RUNDC3B: variants seen among roughly 807,000 people sequenced by gnomAD.
RUNDC3B encodes RUN domain-containing protein 3B.
A neutral mutation model predicts 58.4 loss-of-function variants in RUNDC3B; 33 were observed. The observed-to-expected ratio is 0.56, with a 90% CI of 0.43 to 0.75. RUNDC3B has a LOEUF of 0.75. RUNDC3B is among the 30% of genes least tolerant of loss of function. The pLI is 0.00. For synonymous variants in RUNDC3B, 193 were observed against 195.2 expected, an observed-to-expected ratio of 0.99 and a Z score of 0.10; for missense variants, 501 against 535.7, an observed-to-expected ratio of 0.94 and a Z score of 0.64.
At position 87,637,145 on chromosome 7, in the gene RUNDC3B, T is replaced by A. The variant is rs187448165; in HGVS notation, c.122+8200T>A. Among the ~76,000 whole-genome samples the A allele has an allele frequency of 2.6e-5, 4 of 152,272 alleles. No individual in the cohort carries two copies. In the East Asian group the frequency reaches 7.7e-4, roughly 29 times the overall value. On this transcript the variant is annotated intron_variant, in intron 1 of 10. Transcript: ENST00000394654. ...TATGTGGGGATTATGGGAACTACAA[T>A]TCAAGATGAGATTTGGGTGGGGACA...
chr7:87,825,814 T>C (rs1038071229), intron 10 of RUNDC3B, among the ~76,000 whole-genome samples: 4 of 152,244 alleles, frequency 2.6e-5, no homozygotes, highest in African/African-American at 9.6e-5. Flanking sequence ...TTTTGGAACC[T>C]TAAGATTTGT....
At chr7:87,798,738 T>C (rs1835956894) in intron 8 of RUNDC3B, among the ~76,000 whole-genome samples, 2 of 152,210 alleles carry the variant, frequency 1.3e-5, no homozygotes, top group Non-Finnish European at 1.5e-5. Flanking sequence ...TCTTAAAGGA[T>C]AGTGTCAAGT....
At chr7:87,702,142 CAAAAA>C (rs146127516) in intron 3 of RUNDC3B, among the ~76,000 whole-genome samples, 11 of 16,770 alleles carry the variant, frequency 6.6e-4, no homozygotes, top group African/African-American at 1.4e-3. Context: ...GACTCTGTCT[CAAAAA>C]AAAAAAAAAA....
At chr7:87,684,793 G>C (rs1432606351) in intron 2 of RUNDC3B, among the ~76,000 whole-genome samples, 2 of 144,650 alleles carry the variant, frequency 1.4e-5, no homozygotes, top group Non-Finnish European at 3.0e-5. Context: ...AGAATAGAGA[G>C]TTTGGAAAAA....
chr7:87,686,587 C>T (rs1173134992), intron 2 of RUNDC3B, among the ~76,000 whole-genome samples: 1 of 151,966 alleles, frequency 6.6e-6, no homozygotes, highest in East Asian at 1.9e-4. Flanking sequence ...AGCTTGGTGA[C>T]ATGAGGATGG....
At chr7:87,816,431 T>TG (rs947660988) in intron 10 of RUNDC3B, among the ~76,000 whole-genome samples, 169 bp downstream of exon 10, 50 of 152,160 alleles carry the variant, frequency 3.3e-4, no homozygotes, top group Admixed American at 2.2e-3. Context: ...CGTGTGTGTG[T>TG]GGGGGGGGCT....
intron 10 of RUNDC3B, among the ~76,000 whole-genome samples, chr7:87,820,266 A>G (rs28831998): frequency 0.14 from 21,740 of 152,138 alleles, 2,516 homozygotes; most frequent in African/African-American, 0.32. Context: ...ACACCTCTAC[A>G]CAAATAAACT....
At chr7:87,713,207 A>G (rs543172319) in intron 4 of RUNDC3B, 2 of 152,292 alleles carry the variant, frequency 1.3e-5, no homozygotes, top group Admixed American at 1.3e-4. Context: ...GGAGAATGAG[A>G]AATGATCTCT....
intron 2 of RUNDC3B, among the ~76,000 whole-genome samples, chr7:87,698,598 G>A (rs1023862357): frequency 3.3e-5 from 5 of 152,034 alleles, no homozygotes; most frequent in African/African-American, 1.2e-4. Context: ...AAGTTTTTGT[G>A]TTCATTGCAT....
intron 4 of RUNDC3B, among the ~76,000 whole-genome samples, chr7:87,729,771 G>A (rs1163201795): frequency 6.6e-6 from 1 of 152,164 alleles, no homozygotes; most frequent in African/African-American, 2.4e-5. Context: ...TTGCATCATC[G>A]CTGCCCCAAA....
intron 3 of RUNDC3B, among the ~76,000 whole-genome samples, chr7:87,707,402 G>A (rs529137240): frequency 1.3e-5 from 2 of 152,146 alleles, no homozygotes; most frequent in East Asian, 1.9e-4. Context: ...TTCAAAGGCC[G>A]GGTGTGATGG....
intron 6 of RUNDC3B, among the ~76,000 whole-genome samples, chr7:87,765,630 ATT>A (rs1409903308): frequency 1.3e-5 from 2 of 151,918 alleles, no homozygotes; most frequent in Non-Finnish European, 2.9e-5. Context: ...TTGATTTCTA[ATT>A]TTATTCCACT....
intron 4 of RUNDC3B, among the ~76,000 whole-genome samples, chr7:87,726,037 A>G (rs1332521378): frequency 2.0e-5 from 3 of 152,124 alleles, no homozygotes; most frequent in African/African-American, 7.2e-5. Context: ...CCCATTCTGT[A>G]GGTTGCCTGT....
intron 10 of RUNDC3B, among the ~76,000 whole-genome samples, chr7:87,824,271 A>AT (rs1467257605): frequency 6.6e-6 from 1 of 152,172 alleles, no homozygotes; most frequent in Non-Finnish European, 1.5e-5. Context: ...GTGGGAGGTG[A>AT]TTGCATTATT....
intron 3 of RUNDC3B, among the ~76,000 whole-genome samples, chr7:87,700,940 G>C (rs935957746): frequency 3.3e-5 from 5 of 152,220 alleles, no homozygotes; most frequent in African/African-American, 9.6e-5. Flanking sequence ...GCAGTCTTGA[G>C]TTCTTCCCCA....
intron 1 of RUNDC3B, among the ~76,000 whole-genome samples, chr7:87,635,897 G>T (rs911845724): frequency 6.6e-6 from 1 of 152,072 alleles, no homozygotes; most frequent in African/African-American, 2.4e-5. Flanking sequence ...TGTTTGTGAG[G>T]TTCATCCATT....
At chr7:87,711,674 AAATT>A (rs28381723) in intron 4 of RUNDC3B, among the ~76,000 whole-genome samples, 27 of 152,218 alleles carry the variant, frequency 1.8e-4, no homozygotes, top group South Asian at 1.2e-3. Context: ...GTATAAATTT[AAATT>A]AATTAATATT....
At position 87,831,751 on chromosome 7, in the gene RUNDC3B, A is replaced by G. The variant is rs1205238435; in HGVS notation, c.*1721A>G. On this transcript the variant is annotated 3_prime_UTR_variant, in exon 11 of 11. Transcript: ENST00000394654. ...GGAGTGAGGAAATGGATAAAGAGAA[A>G]TTTGAAAATTTTAGGCTGGACTTGA... The G allele has an allele frequency of 6.6e-6, 1 of 151,872 alleles. No homozygotes were observed. The highest frequency in any genetic ancestry group is 1.9e-4 in the East Asian group (1 of 5,192). The allele number at this position is 151,872 out of a possible 1,614,324, so 9.4% of individuals were successfully genotyped here.
chr7:87,631,454 G>A (rs1821212024), intron 1 of RUNDC3B, among the ~76,000 whole-genome samples: 1 of 152,060 alleles, frequency 6.6e-6, no homozygotes, highest in Admixed American at 6.5e-5. Flanking sequence ...GCAGTGGCGC[G>A]ATCTCGGCTC....
Sources: allele counts gnomAD v4.1 joint callset (sites outside exome capture counted in the v4.1 genomes callset), GRCh38; gene constraint gnomAD v4.1.1; transcripts MANE v1.5; gene names NCBI Gene and HGNC (gene_info 2026-07-23, HGNC 2026-07-21).